The following SORL1 variants were observed in gnomAD, a reference collection of about 807,000 sequenced individuals.
SORL1 encodes the protein sortilin-related receptor.
SORL1 carries 127 observed loss-of-function variants against 273.7 expected under a neutral mutation model. That is an observed-to-expected ratio of 0.46 (90% confidence interval 0.40 to 0.54). The LOEUF is 0.54. Among genes scored for constraint, SORL1 ranks in the 20% least tolerant of loss-of-function variants. The pLI, the probability that SORL1 is intolerant of heterozygous loss-of-function variation, is 0.00. For synonymous variants in SORL1, 1,031 were observed against 1,067.4 expected (o/e 0.97, Z 0.66); for missense variants, 2,494 against 2,846.1 (o/e 0.88, Z 2.81).
chr11:121,591,147 C>T lies in SORL1; in HGVS notation c.4360C>T (p.Pro1454Ser), dbSNP rs201304369. The stretch of plus-strand genomic sequence containing the variant: ...AGATGGCTCTGACGAGGAAGCCTGC[C>T]CCTTGCTTGGTGAGTTCTGGCCCAG... ...CADGSDEEAC[P>S]LLANVTAAST... The change falls in exon 31 of 48, where the codon CCC becomes TCC. Residue 1454 changes from proline to serine, a missense_variant. This residue lies in a region of SORL1 where 1,609 missense variants were observed against 1,816.4 expected (regional missense o/e 0.89). Transcript: ENST00000260197. 295 of 1,614,104 alleles carry T rather than the reference C, an allele frequency of 1.8e-4. No individual in the cohort carries two copies. Among genetic ancestry groups the T allele is most frequent in the Middle Eastern group, 1.6e-4 (1 of 6,062 alleles).
intron 7 of SORL1, 96 bp from the exon 8 acceptor site, chr11:121,514,056 T>C (rs2134846234): frequency 6.6e-6 from 9 of 1,366,884 alleles, no homozygotes; most frequent in Admixed American, 2.1e-5. Flanking sequence ...CATTCATCGC[T>C]AGAACATTTG....
chr11:121,520,855 G>C lies in SORL1; in HGVS notation c.1404+6G>C. ...GAGAGAAAATCAATTGTGAGGTATT[G>C]ATGCTTTAATCTTCTTTTGCTTTTT... On this transcript the variant is annotated splice_donor_region_variant and intron_variant, in intron 9 of 47. Transcript: ENST00000260197. 10 of 1,577,288 alleles carry C rather than the reference G, an allele frequency of 6.3e-6. No individual in the cohort carries two copies. The highest frequency in any genetic ancestry group is 8.6e-6 in the Non-Finnish European group (10 of 1,165,116).
At chr11:121,564,529 G>GA (rs1354301104) in intron 21 of SORL1, among the ~76,000 whole-genome samples, 1 of 152,048 alleles carries the variant, frequency 6.6e-6, no homozygotes, top group Non-Finnish European at 1.5e-5. Flanking sequence ...TGATCCCTGT[G>GA]AAAAAAATCA....
intron 6 of SORL1, among the ~76,000 whole-genome samples, chr11:121,509,053 A>G (rs543410569): frequency 6.6e-5 from 10 of 150,916 alleles, no homozygotes; most frequent in Non-Finnish European, 1.3e-4. Context: ...CTATCTACTC[A>G]CTACTTTTTT....
At position 121,586,233 on chromosome 11, in the gene SORL1, A is replaced by G; in HGVS notation, c.3718A>G (p.Asn1240Asp). The G allele has an allele frequency of 6.2e-7, 1 of 1,612,952 alleles. No homozygotes were observed. Among genetic ancestry groups the G allele is most frequent in the African/African-American group, 1.3e-5 (1 of 75,026 alleles). The change falls in exon 27 of 48, where the codon AAT becomes GAT. Residue 1240 changes from asparagine (N) to aspartate (D), a missense_variant. Physicochemically the swap from Asn to Asp is conservative, Grantham distance 23. Around this residue, in one of 3 missense-constraint regions of SORL1, gnomAD observed 1,609 missense variants for 1,816.4 expected, o/e 0.89. Transcript: ENST00000260197. ...EDPVNCEKKC[N>D]GFRCPNGTCI... ...GAATTCTATTTCAGAGAAGAAGTGCAATGGATTCCGCTGCCCAAACGGCAC... is the reference window on the plus strand; with the variant it reads ...GAATTCTATTTCAGAGAAGAAGTGCGATGGATTCCGCTGCCCAAACGGCAC...
intron 16 of SORL1, among the ~76,000 whole-genome samples, chr11:121,551,534 A>T (rs1175060938): frequency 6.6e-6 from 1 of 152,002 alleles, no homozygotes; most frequent in Non-Finnish European, 1.5e-5. Context: ...TCCAGTTCTT[A>T]TTCATTTAAA....
chr11:121,536,045 A>C (rs1862262470), intron 12 of SORL1, among the ~76,000 whole-genome samples: 1 of 152,244 alleles, frequency 6.6e-6, no homozygotes, highest in South Asian at 2.1e-4. Context: ...CAGCTTGATC[A>C]CGGAAGAGAA....
Position 121,591,052 on chromosome 11 carries a change from A to C in SORL1, c.4265A>C (p.Asn1422Thr). The C allele has an allele frequency of 6.2e-7, 1 of 1,614,164 alleles. No individual in the cohort carries two copies. The highest frequency in any genetic ancestry group is 8.5e-7 in the Non-Finnish European group (1 of 1,180,024). ...STPGPSTCLPNYYRCSSGTCV... is the reference protein window; with the variant it reads ...STPGPSTCLPTYYRCSSGTCV... ...CCTGGGCCCTCCACGTGTCTGCCCA[A>C]TTACTACCGCTGCAGCAGTGGGACC... Residue 1422 changes from asparagine to threonine, a missense_variant, in exon 31 of 48, where the codon AAT (asparagine) becomes ACT (threonine). This residue lies in a region of SORL1 where 1,609 missense variants were observed against 1,816.4 expected (regional missense o/e 0.89). Transcript: ENST00000260197.
rs1427430156 is a variant in SORL1, at chr11:121,629,678, CAAAAACA to C, written c.*128_*134del. On this transcript the variant is annotated 3_prime_UTR_variant, in exon 48 of 48. Transcript: ENST00000260197. ...TGCAATATGTTATTTTTATATGGGC[CAAAAACA>C]AAAAACAAAAAAAAAAAAAAGGAAA... 2.5e-6 allele frequency: 1 copy of C among 407,242 alleles called. No homozygotes were observed. The allele number at this position is 407,242 out of a possible 1,614,324, so 25.2% of individuals were successfully genotyped here. A position where few individuals can be genotyped will look rare whatever the true frequency, so the allele number is the denominator to read the frequency against.
chr11:121,603,743 A>G (rs1385651053), intron 32 of SORL1, among the ~76,000 whole-genome samples: 1 of 152,216 alleles, frequency 6.6e-6, no homozygotes, highest in Non-Finnish European at 1.5e-5. Context: ...TAGATTGCAA[A>G]CTAATAATAG....
intron 5 of SORL1, among the ~76,000 whole-genome samples, chr11:121,495,585 C>A (rs894133495): frequency 6.6e-6 from 1 of 152,168 alleles, no homozygotes; most frequent in Non-Finnish European, 1.5e-5. Context: ...AGTCATCACT[C>A]TGTATTCTCA....
Position 121,513,017 on chromosome 11 carries a change from T to G in SORL1, c.954T>G (p.Ser318Arg). ...FATKVVHLLG[S>R]EQQSSVQLWV... ...TTCCTTGGCAGCATCTCTTGGGCAG[T>G]GAACAGCAGTCTTCTGTCCAGCTCT... The change falls in exon 7 of 48, where the codon AGT (serine) becomes AGG (arginine). Residue 318 changes from serine to arginine, a missense_variant. This residue lies in a region of SORL1 where 710 missense variants were observed against 882.5 expected (regional missense o/e 0.80). Transcript: ENST00000260197. The G allele has an allele frequency of 6.2e-7, 1 of 1,613,988 alleles. No individual in the cohort carries two copies. The highest frequency in any genetic ancestry group is 8.5e-7 in the Non-Finnish European group (1 of 1,179,838).
chr11:121,455,795 C>T (rs771361513), intron 1 of SORL1, among the ~76,000 whole-genome samples: 1 of 152,198 alleles, frequency 6.6e-6, no homozygotes, highest in Non-Finnish European at 1.5e-5. Flanking sequence ...GAGTTCGAAA[C>T]CAGCCTGGTC....
intron 12 of SORL1, among the ~76,000 whole-genome samples, chr11:121,542,749 G>T (rs868079402): frequency 6.6e-6 from 1 of 151,582 alleles, no homozygotes; most frequent in East Asian, 1.9e-4. Context: ...TCACCGAATG[G>T]TTTTAGCATC....
At chr11:121,556,195 A>G (rs1359705863) in intron 18 of SORL1, among the ~76,000 whole-genome samples, 1 of 152,234 alleles carries the variant, frequency 6.6e-6, no homozygotes, top group Admixed American at 6.5e-5. Context: ...GGTTCTGATG[A>G]TAAAGCAGTG....
chr11:121,483,918 G>A (rs925146696), intron 3 of SORL1, among the ~76,000 whole-genome samples: 18 of 152,222 alleles, frequency 1.2e-4, no homozygotes, highest in Non-Finnish European at 2.1e-4. Context: ...CTTCAAGGAT[G>A]GACATGTGAC....
rs1863618071 is a variant in SORL1, at chr11:121,614,930, G to A, written c.5479G>A (p.Gly1827Arg). 6.2e-7 allele frequency: 1 copy of A among 1,613,250 alleles called. No homozygotes were observed. Among genetic ancestry groups the A allele is most frequent in the South Asian group, 1.1e-5 (1 of 90,890 alleles). Residue 1827 changes from glycine to arginine, a missense_variant, in exon 41 of 48, where the codon GGG becomes AGG. Physicochemically the swap from Gly to Arg is moderately radical, Grantham distance 125. Around this residue, in one of 3 missense-constraint regions of SORL1, gnomAD observed 1,609 missense variants for 1,816.4 expected, o/e 0.89. Coordinates refer to ENST00000260197, the MANE Select transcript of SORL1 (RefSeq NM_003105.6). The stretch of plus-strand genomic sequence containing the variant: ...TTCTGCCTGGGCCAAGACTGACTTG[G>A]GGGATAGCCCTCTGGCATTTGAGCA... Reference protein sequence around the residue: ...EISAWAKTDLGDSPLAFEHVM... With the variant: ...EISAWAKTDLRDSPLAFEHVM...
intron 5 of SORL1, among the ~76,000 whole-genome samples, chr11:121,491,571 T>C (rs1430616313): frequency 1.3e-5 from 2 of 152,206 alleles, no homozygotes; most frequent in African/African-American, 4.8e-5. Flanking sequence ...CCTATAACTT[T>C]TCTCATTTGC....
intron 1 of SORL1, among the ~76,000 whole-genome samples, chr11:121,466,186 CAG>C (rs901215108): frequency 6.6e-6 from 1 of 152,136 alleles, no homozygotes; most frequent in Non-Finnish European, 1.5e-5. Flanking sequence ...GTGAGCTAGA[CAG>C]GGGAGAGGGA....
Sources: allele counts gnomAD v4.1 joint callset (sites outside exome capture counted in the v4.1 genomes callset), GRCh38; gene constraint gnomAD v4.1.1; regional missense constraint gnomAD v4.1.1; transcripts MANE v1.5; gene names NCBI Gene and HGNC (gene_info 2026-07-23, HGNC 2026-07-21).